The following FNDC3B variants were observed in gnomAD, a reference collection of about 807,000 sequenced individuals.
FNDC3B encodes the protein fibronectin type III domain containing 3B.
A neutral mutation model predicts 151.5 loss-of-function variants in FNDC3B; 12 were observed. The observed-to-expected ratio is 0.08, with a 90% CI of 0.05 to 0.13. The LOEUF is 0.13. Among genes scored for constraint, FNDC3B ranks in the 10% least tolerant of loss-of-function variants. The pLI, the probability that FNDC3B is intolerant of heterozygous loss-of-function variation, is 1.00. For missense variants in FNDC3B, 1,214 were observed against 1,505.3 expected, an observed-to-expected ratio of 0.81 and a Z score of 3.20; for synonymous variants, 528 against 549.0, an observed-to-expected ratio of 0.96 and a Z score of 0.54.
chr3:172,150,627 C>T (rs952891548), intron 3 of FNDC3B, among the ~76,000 whole-genome samples: 3 of 151,694 alleles, frequency 2.0e-5, no homozygotes, highest in African/African-American at 7.3e-5. Context: ...AATGTCTCTA[C>T]AAAAGAGATA....
intron 3 of FNDC3B, among the ~76,000 whole-genome samples, chr3:172,209,568 T>C (rs1421930109): frequency 6.6e-6 from 1 of 152,110 alleles, no homozygotes; most frequent in African/African-American, 2.4e-5. Flanking sequence ...TGTGTGCTGA[T>C]TGGTCCATGG....
At chr3:172,071,984 G>A (rs1717803524) in intron 1 of FNDC3B, among the ~76,000 whole-genome samples, 1 of 151,690 alleles carries the variant, frequency 6.6e-6, no homozygotes. Context: ...TTGAGTTCAT[G>A]AGTACTGGCC....
intron 6 of FNDC3B, among the ~76,000 whole-genome samples, chr3:172,283,319 C>T (rs954086378): frequency 6.6e-6 from 1 of 151,960 alleles, no homozygotes; most frequent in Non-Finnish European, 1.5e-5. Flanking sequence ...TTTCTTCTGT[C>T]ATGTGTATTT....
intron 4 of FNDC3B, among the ~76,000 whole-genome samples, chr3:172,234,593 A>C (rs909708643): frequency 3.3e-5 from 5 of 152,228 alleles, no homozygotes; most frequent in African/African-American, 1.2e-4. Context: ...AGTGTGGCAC[A>C]CTTATTGACA....
At chr3:172,182,819 T>G (rs1201199475) in intron 3 of FNDC3B, among the ~76,000 whole-genome samples, 1 of 152,198 alleles carries the variant, frequency 6.6e-6, no homozygotes, top group East Asian at 1.9e-4. Flanking sequence ...TTGAGGTGTG[T>G]GAATGAGAAA....
chr3:172,072,268 G>T (rs187780213), intron 1 of FNDC3B, among the ~76,000 whole-genome samples: 96 of 151,242 alleles, frequency 6.3e-4, no homozygotes, highest in African/African-American at 2.3e-3. Flanking sequence ...ATAGTTACAT[G>T]TAGCTAGTGG....
At chr3:172,225,433 C>A in intron 3 of FNDC3B, 1 of 231,608 alleles carries the variant, frequency 4.3e-6, no homozygotes, top group South Asian at 6.6e-5. Flanking sequence ...TGAGCCTTGT[C>A]TTCTGGTTTG....
At chr3:172,265,022 C>T (rs532311003) in intron 6 of FNDC3B, among the ~76,000 whole-genome samples, 7 of 152,202 alleles carry the variant, frequency 4.6e-5, no homozygotes, top group Non-Finnish European at 7.4e-5. Context: ...TATCCAAGTG[C>T]GGCTTGTCAA....
chr3:172,206,682 A>AG (rs1156874084), intron 3 of FNDC3B, among the ~76,000 whole-genome samples: 1 of 149,770 alleles, frequency 6.7e-6, no homozygotes, highest in East Asian at 1.9e-4. Context: ...AAAAAAAAAA[A>AG]AAAAAGTATA....
At chr3:172,275,717 A>G (rs1333995122) in intron 6 of FNDC3B, among the ~76,000 whole-genome samples, 1 of 152,212 alleles carries the variant, frequency 6.6e-6, no homozygotes, top group African/African-American at 2.4e-5. Context: ...TGCTGGCCCA[A>G]TCTTAACTTT....
rs374397134 is a variant in FNDC3B, at chr3:172,117,457, A to G, written c.111+4867A>G. Among the ~76,000 whole-genome samples the G allele has an allele frequency of 5.3e-5, 8 of 152,354 alleles. No individual in the cohort carries two copies. The East Asian group carries it at 9.6e-4, about 18-fold the overall frequency. On this transcript the variant is annotated intron_variant, in intron 2 of 25. Transcript: ENST00000415807. ...AATGTAGCAGCCAGTTTTGCGCACA[A>G]AAGAATAAACATCAGCCCAAATTCT... is the stretch of plus-strand genomic sequence containing the variant.
chr3:172,096,907 T>A (rs1275701728), intron 1 of FNDC3B, among the ~76,000 whole-genome samples: 3 of 152,164 alleles, frequency 2.0e-5, no homozygotes, highest in Non-Finnish European at 4.4e-5. Flanking sequence ...AAAGAACCCA[T>A]AAAGATAAGA....
At chr3:172,152,065 G>T (rs113717733) in intron 3 of FNDC3B, among the ~76,000 whole-genome samples, 1 of 152,206 alleles carries the variant, frequency 6.6e-6, no homozygotes, top group South Asian at 2.1e-4. Flanking sequence ...TAGAGGGTCT[G>T]TCAGGCTTCT....
At chr3:172,056,074 C>T (rs1381298674) in intron 1 of FNDC3B, among the ~76,000 whole-genome samples, 1 of 152,196 alleles carries the variant, frequency 6.6e-6, no homozygotes, top group African/African-American at 2.4e-5. Context: ...AGCCACTGCG[C>T]CCGGCCTGTT....
At position 172,381,121 on chromosome 3, in the gene FNDC3B, G is replaced by A. The variant is rs760691210; in HGVS notation, c.3303+28G>A. The A allele has an allele frequency of 4.3e-6, 7 of 1,611,390 alleles. No individual in the cohort carries two copies. In the South Asian group the frequency reaches 7.7e-5, roughly 18 times the overall value. ...AAGAACCAGTGTGCATGGCACATGTGCAACTGAGTATGGCTGGCTCCATGC... is the reference window on the plus strand; with the variant it reads ...AAGAACCAGTGTGCATGGCACATGTACAACTGAGTATGGCTGGCTCCATGC... On this transcript the variant is annotated intron_variant, in intron 25 of 25. Coordinates refer to ENST00000415807, the MANE Select transcript of FNDC3B (RefSeq NM_022763.4).
intron 3 of FNDC3B, among the ~76,000 whole-genome samples, chr3:172,148,818 A>G (rs1722065079): frequency 6.6e-6 from 1 of 152,000 alleles, no homozygotes; most frequent in South Asian, 2.1e-4. Flanking sequence ...TCATTTTTCT[A>G]CTCCTCATTG....
chr3:172,189,799 TAAAAAAAAAAAAAAAA>T (rs60894339), intron 3 of FNDC3B, among the ~76,000 whole-genome samples: 2,711 of 84,434 alleles, frequency 0.032, 63 homozygotes, highest in Non-Finnish European at 0.043. Context: ...AGACCTTGTC[TAAAAAAAAAAAAAAAA>T]AAAAAAAAAA....
At chr3:172,377,336 A>C (rs1288103959) in intron 23 of FNDC3B, among the ~76,000 whole-genome samples, 1 of 152,226 alleles carries the variant, frequency 6.6e-6, no homozygotes, top group Non-Finnish European at 1.5e-5. Flanking sequence ...GCAGGATTCA[A>C]ATACTGAATC....
At chr3:172,371,460 A>T (rs1315281582) in intron 23 of FNDC3B, among the ~76,000 whole-genome samples, 2 of 152,200 alleles carry the variant, frequency 1.3e-5, no homozygotes, top group African/African-American at 2.4e-5. Flanking sequence ...ATTAAAACTC[A>T]TGCGTGCTTA....
Sources: allele counts gnomAD v4.1 joint callset (sites outside exome capture counted in the v4.1 genomes callset), GRCh38; gene constraint gnomAD v4.1.1; transcripts MANE v1.5; gene names NCBI Gene and HGNC (gene_info 2026-07-23, HGNC 2026-07-21).